Variants in FBXL7 observed in about 807,000 individuals in gnomAD.
The protein encoded by FBXL7 is F-box and leucine rich repeat protein 7, also known as F-box/LRR-repeat protein 7.
In FBXL7, 12 loss-of-function variants were observed where a neutral mutation model predicts 38.3. That is an observed-to-expected ratio of 0.31 (90% confidence interval 0.20 to 0.51). The LOEUF (loss-of-function observed/expected upper bound fraction) is 0.51, where lower values mean the gene tolerates loss of function less well. Among genes scored for constraint, FBXL7 ranks in the 20% least tolerant of loss-of-function variants. FBXL7 has a pLI of 0.98. For synonymous variants in FBXL7, 297 were observed against 300.9 expected, an observed-to-expected ratio of 0.99 and a Z score of 0.13; for missense variants, 567 against 676.4, an observed-to-expected ratio of 0.84 and a Z score of 1.79.
chr5:15,922,414 C>T (rs1299272876), intron 2 of FBXL7, among the ~76,000 whole-genome samples: 2 of 152,082 alleles, frequency 1.3e-5, no homozygotes, highest in Non-Finnish European at 2.9e-5. Context: ...TACTGCTTTG[C>T]ATTGTTTCTT....
intron 2 of FBXL7, among the ~76,000 whole-genome samples, chr5:15,658,698 G>A (rs1046770364): frequency 5.3e-5 from 8 of 152,100 alleles, no homozygotes; most frequent in East Asian, 1.9e-4. Context: ...GAGCAAGCAG[G>A]GGGTATGTGA....
intron 1 of FBXL7, among the ~76,000 whole-genome samples, chr5:15,586,849 T>C (rs1739322743): frequency 1.3e-5 from 2 of 152,214 alleles, no homozygotes; most frequent in South Asian, 4.1e-4. Flanking sequence ...AGAGACCGTT[T>C]AAATTTTCTT....
intron 2 of FBXL7, among the ~76,000 whole-genome samples, chr5:15,827,215 C>A (rs369017562): frequency 6.6e-6 from 1 of 151,990 alleles, no homozygotes; most frequent in South Asian, 2.1e-4. Context: ...CATTTAAATT[C>A]TCTCAATGTG....
At chr5:15,595,186 C>A (rs1239952863) in intron 1 of FBXL7, among the ~76,000 whole-genome samples, 1 of 152,144 alleles carries the variant, frequency 6.6e-6, no homozygotes, top group East Asian at 1.9e-4. Context: ...CCCAAGAGTA[C>A]TATAAGTGTC....
At chr5:15,837,209 C>T (rs539780361) in intron 2 of FBXL7, among the ~76,000 whole-genome samples, 326 of 152,154 alleles carry the variant, frequency 2.1e-3, no homozygotes, top group Non-Finnish European at 1.9e-3. Flanking sequence ...GATAGTCTCT[C>T]ATGAAGTTGG....
At chr5:15,626,138 T>G (rs566751074) in intron 2 of FBXL7, among the ~76,000 whole-genome samples, 1 of 152,206 alleles carries the variant, frequency 6.6e-6, no homozygotes, top group African/African-American at 2.4e-5. Flanking sequence ...AGGAAAGCTT[T>G]GCAAGACTTT....
intron 2 of FBXL7, among the ~76,000 whole-genome samples, chr5:15,819,553 G>A (rs1410633988): frequency 6.6e-6 from 1 of 151,940 alleles, no homozygotes; most frequent in Non-Finnish European, 1.5e-5. Context: ...CCTTTTTTCT[G>A]TTCCCTTTGA....
intron 2 of FBXL7, among the ~76,000 whole-genome samples, chr5:15,869,927 T>G (rs1279970499): frequency 6.6e-6 from 1 of 152,084 alleles, no homozygotes; most frequent in African/African-American, 2.4e-5. Context: ...CTGGGCAACA[T>G]GATGAAATCC....
intron 1 of FBXL7, among the ~76,000 whole-genome samples, chr5:15,509,966 A>G (rs1640774374): frequency 6.6e-6 from 1 of 152,160 alleles, no homozygotes; most frequent in African/African-American, 2.4e-5. Flanking sequence ...CCATCTCTGA[A>G]TTTTCCTGGG....
chr5:15,555,575 T>G (rs1023443885), intron 1 of FBXL7, among the ~76,000 whole-genome samples: 3 of 152,164 alleles, frequency 2.0e-5, no homozygotes, highest in Non-Finnish European at 4.4e-5. Flanking sequence ...TAGACACAGT[T>G]GCTGTCACAC....
chr5:15,617,260 C>T (rs1009865706), intron 2 of FBXL7, among the ~76,000 whole-genome samples: 1 of 152,180 alleles, frequency 6.6e-6, no homozygotes, highest in Non-Finnish European at 1.5e-5. Flanking sequence ...GTTTTCCCAA[C>T]ATCGTAAGGC....
chr5:15,901,796 T>C (rs553237692), intron 2 of FBXL7, among the ~76,000 whole-genome samples: 10 of 152,360 alleles, frequency 6.6e-5, no homozygotes, highest in East Asian at 3.9e-4. Flanking sequence ...TTTTTCATTC[T>C]TGAAGAGTTT....
intron 1 of FBXL7, among the ~76,000 whole-genome samples, chr5:15,579,173 G>A (rs1056021094): frequency 6.6e-6 from 1 of 152,146 alleles, no homozygotes; most frequent in Non-Finnish European, 1.5e-5. Context: ...AAGCGGTGCT[G>A]TTTCTTACCT....
intron 1 of FBXL7, among the ~76,000 whole-genome samples, chr5:15,521,890 C>T (rs904872428): frequency 6.6e-6 from 1 of 152,228 alleles, no homozygotes; most frequent in African/African-American, 2.4e-5. Context: ...AACAACTATA[C>T]ATTTCTTCGT....
rs910107919 is a variant in FBXL7 at position 15,733,973 on chromosome 5, G to A, written c.127+117901G>A. Among the ~76,000 whole-genome samples, 4 of 152,256 alleles carry A rather than the reference G, an allele frequency of 2.6e-5. No individual in the cohort carries two copies. The East Asian group carries it at 5.8e-4, about 22-fold the overall frequency. ...AATACAAAAATTACCTGGGCTTGGT[G>A]GCATGTGCCTGTAATCGCAGCTACT... On this transcript the variant is annotated intron_variant, in intron 2 of 3. Coordinates refer to ENST00000504595, the MANE Select transcript of FBXL7 (RefSeq NM_012304.5).
rs75623688 is a variant in FBXL7, at chr5:15,761,331, A to G, written c.127+145259A>G. ...TCATAATCCCGTGTTCAGGAAGGAG[A>G]TTGCCATGAACAGGGACTCTGGACT... is the stretch of plus-strand genomic sequence containing the variant. On this transcript the variant is annotated intron_variant, in intron 2 of 3. Transcript: ENST00000504595. 4.7e-3 allele frequency among the ~76,000 whole-genome samples: 718 copies of G among 152,104 alleles called. 1 individual carries two copies. Among genetic ancestry groups the G allele is most frequent in the Non-Finnish European group, 7.3e-3 (494 of 67,986 alleles).
chr5:15,761,288 G>A (rs554175592), intron 2 of FBXL7, among the ~76,000 whole-genome samples: 2 of 152,180 alleles, frequency 1.3e-5, no homozygotes, highest in African/African-American at 4.8e-5. Context: ...GTTTATGGCT[G>A]TCTTGGTGCC....
intron 1 of FBXL7, among the ~76,000 whole-genome samples, chr5:15,581,497 C>G (rs780035471): frequency 6.6e-6 from 1 of 152,104 alleles, no homozygotes; most frequent in Non-Finnish European, 1.5e-5. Flanking sequence ...CAGCATGCTG[C>G]CTTTCAGAGA....
At chr5:15,877,151 G>T (rs1043858677) in intron 2 of FBXL7, among the ~76,000 whole-genome samples, 1 of 152,138 alleles carries the variant, frequency 6.6e-6, no homozygotes, top group Non-Finnish European at 1.5e-5. Flanking sequence ...AAAAGCTGTC[G>T]CTGGCTTCAC....
Sources: gnomAD v4.1 joint callset for allele counts (sites outside exome capture counted in the v4.1 genomes callset) on GRCh38, gnomAD v4.1.1 for gene constraint, MANE v1.5 for transcripts, NCBI Gene and HGNC (gene_info 2026-07-23, HGNC 2026-07-21) for gene names.